The following DSTN variants were observed in gnomAD, a reference collection of about 807,000 sequenced individuals.
DSTN encodes destrin, actin depolymerizing factor.
Under a neutral mutation model 16.8 loss-of-function variants are expected in DSTN, and 10 were observed. The ratio of observed to expected loss-of-function variants is 0.60; its 90% confidence interval spans 0.37 to 1.01. The LOEUF (loss-of-function observed/expected upper bound fraction) is 1.01. Ranked by LOEUF, DSTN falls within the 50% of genes least tolerant of loss-of-function variation. The pLI is 0.01. For synonymous variants in DSTN, 57 were observed against 58.9 expected, an observed-to-expected ratio of 0.97 and a Z score of 0.14; for missense variants, 141 against 196.7, an observed-to-expected ratio of 0.72 and a Z score of 1.69.
intron 1 of DSTN, among the ~76,000 whole-genome samples, chr20:17,570,695 A>G (rs1016616907): frequency 6.6e-6 from 1 of 152,236 alleles, no homozygotes; most frequent in Non-Finnish European, 1.5e-5. Flanking sequence ...AGGTCTGTCC[A>G]TCTCAATAAG....
At chr20:17,605,300 C>T in intron 3 of DSTN, 1 of 385,372 alleles carries the variant, frequency 2.6e-6, no homozygotes, top group Non-Finnish European at 5.1e-6. Context: ...GTGGCCTTGG[C>T]CAGAACTGCT....
chr20:17,571,623 G>C (rs2035208392), intron 1 of DSTN, among the ~76,000 whole-genome samples: 1 of 152,142 alleles, frequency 6.6e-6, no homozygotes, highest in Non-Finnish European at 1.5e-5. Context: ...TTGAGTTATG[G>C]TACGCTTAAG....
At chr20:17,578,825 G>T (rs1445026957) in intron 1 of DSTN, among the ~76,000 whole-genome samples, 1 of 152,100 alleles carries the variant, frequency 6.6e-6, no homozygotes, top group Non-Finnish European at 1.5e-5. Flanking sequence ...GCCGGGTGTG[G>T]TGGCTCATGC....
chr20:17,570,363 G>A (rs2035184685), intron 1 of DSTN, 152 bp downstream of exon 1: 2 of 1,136,000 alleles, frequency 1.8e-6, no homozygotes, highest in South Asian at 3.8e-5. Flanking sequence ...GGTGAGGGGG[G>A]GTCTCTGGGC....
In DSTN at chr20:17,604,576, GA is replaced by G; in HGVS notation, c.337del (p.Ser113ValfsTer3). 1 of 1,613,118 alleles carries G rather than the reference GA, an allele frequency of 6.2e-7. No individual in the cohort carries two copies. Among genetic ancestry groups the G allele is most frequent in the Non-Finnish European group, 8.5e-7 (1 of 1,179,800 alleles). On this transcript the variant is annotated frameshift_variant, in exon 3 of 4. Coordinates refer to ENST00000246069, the MANE Select transcript of DSTN (RefSeq NM_006870.4). LOFTEE classifies it high-confidence loss of function. ...FLWAPELAPL[K>X]SKMIYASSKD... ...CTAGGGCACCAGAACTAGCACCTCT[GA>G]AAAGTAAAATGATCTATGCAAGCTC... is the stretch of plus-strand genomic sequence containing the variant.
chr20:17,595,211 C>T (rs1793410780), intron 1 of DSTN, among the ~76,000 whole-genome samples: 2 of 152,132 alleles, frequency 1.3e-5, no homozygotes, highest in African/African-American at 2.4e-5. Flanking sequence ...TTTTCTTGTC[C>T]TTAGGTAGTT....
chr20:17,570,396 TG>T (rs1293124009), intron 1 of DSTN, among the ~76,000 whole-genome samples, 185 bp downstream of exon 1: 2 of 151,384 alleles, frequency 1.3e-5, no homozygotes, highest in East Asian at 3.9e-4. Flanking sequence ...CCGTCCTGGC[TG>T]GGCCCCCGCG....
intron 3 of DSTN, among the ~76,000 whole-genome samples, chr20:17,606,575 T>C (rs1361705006): frequency 6.6e-6 from 1 of 152,252 alleles, no homozygotes; most frequent in Non-Finnish European, 1.5e-5. Flanking sequence ...AACATATCTT[T>C]AGAAAAGTGT....
At chr20:17,574,911 G>A (rs1381403488) in intron 1 of DSTN, among the ~76,000 whole-genome samples, 3 of 102,050 alleles carry the variant, frequency 2.9e-5, no homozygotes, top group Non-Finnish European at 5.2e-5. Context: ...CTCTCTTGCA[G>A]CCACCCAGGC....
intron 1 of DSTN, among the ~76,000 whole-genome samples, chr20:17,585,009 A>G (rs2035390382): frequency 6.6e-6 from 1 of 152,174 alleles, no homozygotes; most frequent in South Asian, 2.1e-4. Flanking sequence ...TTATTTTCCT[A>G]GAATAAATTC....
chr20:17,599,718 C>T (rs1051992615), intron 1 of DSTN: 4 of 152,204 alleles, frequency 2.6e-5, no homozygotes, highest in Admixed American at 6.5e-5. Context: ...GCATATACTC[C>T]TTAGGAAAGG....
Position 17,604,647 on chromosome 20 carries a change from C to G in DSTN, c.388+16C>G. 5 of 1,606,632 alleles carry G rather than the reference C, an allele frequency of 3.1e-6. No individual in the cohort carries two copies. Among genetic ancestry groups the G allele is most frequent in the Non-Finnish European group, 4.2e-6 (5 of 1,177,266 alleles). On this transcript the variant is annotated intron_variant, in intron 3 of 3. Transcript: ENST00000246069. ...AAATTTCAAGGTATGTTCTAGATGACCTCTGAATATGTAGAGGTATGGTGA... is the reference window on the plus strand; with the variant it reads ...AAATTTCAAGGTATGTTCTAGATGAGCTCTGAATATGTAGAGGTATGGTGA...
At chr20:17,586,064 G>C (rs1314417590) in intron 1 of DSTN, among the ~76,000 whole-genome samples, 1 of 152,202 alleles carries the variant, frequency 6.6e-6, no homozygotes. Context: ...TCGCCCGAGA[G>C]AGGGTCTCCC....
intron 1 of DSTN, among the ~76,000 whole-genome samples, chr20:17,574,971 C>T (rs538337075): frequency 6.8e-6 from 1 of 147,216 alleles, no homozygotes; most frequent in Non-Finnish European, 1.5e-5. Flanking sequence ...ATCCTCCCAC[C>T]TCAGCCTGCG....
intron 1 of DSTN, among the ~76,000 whole-genome samples, chr20:17,574,742 A>T (rs867729963): frequency 0.015 from 2,291 of 149,144 alleles, 40 homozygotes; most frequent in Non-Finnish European, 0.022. Flanking sequence ...AAAAAAAAAA[A>T]AAAAATTAAA....
intron 3 of DSTN, among the ~76,000 whole-genome samples, chr20:17,606,135 G>A (rs1368366135): frequency 6.6e-6 from 1 of 151,970 alleles, no homozygotes; most frequent in Non-Finnish European, 1.5e-5. Context: ...TAGTGACCAT[G>A]CTGCCTTTTT....
chr20:17,574,870 G>GTTTTTTTTT (rs533880691), intron 1 of DSTN, among the ~76,000 whole-genome samples: 55 of 81,168 alleles, frequency 6.8e-4, no homozygotes, highest in South Asian at 1.8e-3. Flanking sequence ...CTTTTCTTTT[G>GTTTTTTTTT]TTTTTTTTTT....
intron 1 of DSTN, among the ~76,000 whole-genome samples, chr20:17,596,945 G>T (rs2035532688): frequency 1.3e-5 from 2 of 152,220 alleles, no homozygotes; most frequent in Admixed American, 1.3e-4. Context: ...TGTATTTAAA[G>T]ATTGGTTGAT....
chr20:17,599,458 TG>T (rs1341085308), intron 1 of DSTN: 1 of 152,268 alleles, frequency 6.6e-6, no homozygotes, highest in African/African-American at 2.4e-5. Context: ...AGGTCCCTTT[TG>T]GTGCCTACCA....
Sources: gnomAD v4.1 joint callset for allele counts (sites outside exome capture counted in the v4.1 genomes callset) on GRCh38, gnomAD v4.1.1 for gene constraint, MANE v1.5 for transcripts, NCBI Gene and HGNC (gene_info 2026-07-23, HGNC 2026-07-21) for gene names.